GFM1: variants seen among roughly 807,000 people sequenced by gnomAD.
The protein encoded by GFM1 is elongation factor G, mitochondrial.
A neutral mutation model predicts 96.2 loss-of-function variants in GFM1; 62 were observed. The ratio of observed to expected loss-of-function variants is 0.64; its 90% CI spans 0.53 to 0.80. The LOEUF is 0.80. GFM1 is among the 30% of genes least tolerant of loss of function. GFM1 has a pLI of 0.00. For synonymous variants in GFM1, 282 were observed against 312.9 expected, an observed-to-expected ratio of 0.90 and a Z score of 1.04; for missense variants, 852 against 916.6, an observed-to-expected ratio of 0.93 and a Z score of 0.91.
chr3:158,683,007 G>C (rs576940708), intron 14 of GFM1, among the ~76,000 whole-genome samples: 169 of 151,302 alleles, frequency 1.1e-3, no homozygotes, highest in African/African-American at 4.0e-3. Flanking sequence ...CTCCAGCCTG[G>C]GCGACAGTAA....
rs1721863293 is a variant in GFM1, at chr3:158,646,892, A to G, written c.517A>G (p.Ile173Val). The G allele has an allele frequency of 6.2e-7, 1 of 1,613,990 alleles. No homozygotes were observed. The highest frequency in any genetic ancestry group is 1.7e-5 in the Admixed American group (1 of 60,002). Residue 173 changes from isoleucine to valine, a missense_variant, in exon 4 of 18, where the codon ATT (isoleucine) becomes GTT (valine). Transcript: ENST00000486715. Reference protein sequence around the residue: ...KRYNVPFLTFINKLDRMGSNP... With the variant: ...KRYNVPFLTFVNKLDRMGSNP... ...CTACAACGTTCCGTTTCTAACTTTT[A>G]TTAACAAATTGGACCGAATGGGCTC...
intron 7 of GFM1, 136 bp downstream of exon 7, chr3:158,653,603 G>T: frequency 1.4e-6 from 1 of 696,602 alleles, no homozygotes; most frequent in Non-Finnish European, 2.4e-6. Flanking sequence ...TTTTATTTGG[G>T]TAACAATTTT....
At chr3:158,647,092 ACT>A in intron 4 of GFM1, 145 bp downstream of exon 4, 1 of 695,502 alleles carries the variant, frequency 1.4e-6, no homozygotes, top group Admixed American at 2.2e-5. Context: ...TAAGTGGAAC[ACT>A]GATTTTAGTA....
chr3:158,677,287 ACT>A (rs1486295073), intron 13 of GFM1, among the ~76,000 whole-genome samples: 1 of 152,166 alleles, frequency 6.6e-6, no homozygotes, highest in Non-Finnish European at 1.5e-5. Context: ...GAAGGCTCTA[ACT>A]CTGTTCAATT....
chr3:158,688,333 A>G (rs1372973478), intron 15 of GFM1, among the ~76,000 whole-genome samples: 1 of 152,192 alleles, frequency 6.6e-6, no homozygotes, highest in Non-Finnish European at 1.5e-5. Flanking sequence ...AGAGGAAGGC[A>G]TGTGTAAGGG....
At chr3:158,663,356 T>A (rs1410493432) in intron 11 of GFM1, among the ~76,000 whole-genome samples, 2 of 152,220 alleles carry the variant, frequency 1.3e-5, no homozygotes, top group Admixed American at 1.3e-4. Flanking sequence ...CATGTTAATG[T>A]GGTATATTGA....
In GFM1 at chr3:158,653,436, G is replaced by A. The variant is rs769903119; in HGVS notation, c.967G>A (p.Val323Ile). 2 of 1,613,298 alleles carry A rather than the reference G, an allele frequency of 1.2e-6. No homozygotes were observed. The highest frequency in any genetic ancestry group is 1.1e-5 in the South Asian group (1 of 91,046). ...AGAATACCTCCCAAATCCATCTGAA[G>A]TCCAGAACTATGCTATTCTCAATAA... ...VLEYLPNPSEVQNYAILNKED... is the reference protein window; with the variant it reads ...VLEYLPNPSEIQNYAILNKED... The change falls in exon 7 of 18, where the codon GTC (valine) becomes ATC (isoleucine). Residue 323 changes from valine to isoleucine, a missense_variant. By Grantham distance (29) the Val-to-Ile change is conservative. Transcript: ENST00000486715.
chr3:158,651,857 G>T (rs1722320888), intron 5 of GFM1, among the ~76,000 whole-genome samples: 1 of 151,812 alleles, frequency 6.6e-6, no homozygotes, highest in Non-Finnish European at 1.5e-5. Flanking sequence ...GACTGTTTTA[G>T]CTCTTCCGGT....
intron 15 of GFM1, 196 bp downstream of exon 15, chr3:158,684,864 T>G: frequency 1.7e-6 from 1 of 582,504 alleles, no homozygotes; most frequent in Non-Finnish European, 3.0e-6. Flanking sequence ...GCTAAAAGAC[T>G]ACTGTATTCT....
rs1056918334 is a variant in GFM1 at position 158,646,372 on chromosome 3, A to G, written c.367+75A>G. On this transcript the variant is annotated intron_variant, in intron 3 of 17. Transcript: ENST00000486715. ...TGGTTCTTTCTCTTACTGTGACCCA[A>G]TTAGTTTTTGATTGTCAAATACTCA... is the stretch of plus-strand genomic sequence containing the variant. 57 of 1,505,888 alleles carry G rather than the reference A, an allele frequency of 3.8e-5. No individual in the cohort carries two copies. The Middle Eastern group carries it at 1.1e-3, about 29-fold the overall frequency. 93.3% of individuals were successfully genotyped at this position (1,505,888 alleles called of 1,614,324 possible).
intron 13 of GFM1, chr3:158,667,068 T>C: frequency 6.3e-7 from 1 of 1,584,108 alleles, no homozygotes; most frequent in Non-Finnish European, 8.5e-7. Context: ...AAGTCATCAT[T>C]TCTTTGCTAT....
intron 8 of GFM1, among the ~76,000 whole-genome samples, chr3:158,658,483 A>G (rs2108034017): frequency 6.6e-6 from 1 of 152,172 alleles, no homozygotes; most frequent in Non-Finnish European, 1.5e-5. Flanking sequence ...TTACTCACAT[A>G]ATTTTCCACG....
chr3:158,663,373 C>G lies in GFM1; in HGVS notation c.1380+689C>G, dbSNP rs556131625. Among the ~76,000 whole-genome samples the G allele has an allele frequency of 6.0e-4, 91 of 152,306 alleles. No individual in the cohort carries two copies. In the South Asian group the frequency reaches 0.012, roughly 20 times the overall value. ...TGTTAATGTGGTATATTGAAATTCA[C>G]TTATTCATACATTGAGTGAACTTTT... On this transcript the variant is annotated intron_variant, in intron 11 of 17. Coordinates refer to ENST00000486715, the MANE Select transcript of GFM1 (RefSeq NM_024996.7).
chr3:158,662,647 A>T lies in GFM1; in HGVS notation c.1343A>T (p.Asp448Val), dbSNP rs146951325. Residue 448 changes from aspartate to valine, a missense_variant, in exon 11 of 18, where the codon GAT becomes GTT. Asp to Val is a radical substitution (Grantham distance 152). Transcript: ENST00000486715. ...TTTTAGGAGTCAATTCATGTTCCTGATCCTGTCATTTCAATAGCAATGAAG... is the reference window on the plus strand; with the variant it reads ...TTTTAGGAGTCAATTCATGTTCCTGTTCCTGTCATTTCAATAGCAATGAAG... ...GLSMESIHVPDPVISIAMKPS... is the reference protein window; with the variant it reads ...GLSMESIHVPVPVISIAMKPS... 2.5e-6 allele frequency: 4 copies of T among 1,599,354 alleles called. No homozygotes were observed. Among genetic ancestry groups the T allele is most frequent in the Non-Finnish European group, 3.4e-6 (4 of 1,167,308 alleles).
At chr3:158,661,011 A>C (rs771517435) in intron 10 of GFM1, 36 bp downstream of exon 10, 20 of 1,534,376 alleles carry the variant, frequency 1.3e-5, no homozygotes, top group Non-Finnish European at 1.7e-5. Context: ...TTATCACTAG[A>C]ATTTTAAAAG....
rs1298112046 is a variant in GFM1, at chr3:158,693,621, A to T, written c.*2154A>T. On this transcript the variant is annotated 3_prime_UTR_variant, in exon 18 of 18. Coordinates refer to ENST00000486715, the MANE Select transcript of GFM1 (RefSeq NM_024996.7). ...AACCAAAGTCTGTAGCATGGAAAAAAATTAATGAGAATATTCATAGGTGAG... is the reference window on the plus strand; with the variant it reads ...AACCAAAGTCTGTAGCATGGAAAAATATTAATGAGAATATTCATAGGTGAG... 1 of 152,216 alleles carries T rather than the reference A, an allele frequency of 6.6e-6. No individual in the cohort carries two copies. The highest frequency in any genetic ancestry group is 6.5e-5 in the Admixed American group (1 of 15,280). The allele number at this position is 152,216 out of a possible 1,614,324, so 9.4% of individuals were successfully genotyped here.
chr3:158,658,698 CAG>C (rs1722959234), intron 8 of GFM1, among the ~76,000 whole-genome samples: 1 of 152,070 alleles, frequency 6.6e-6, no homozygotes, highest in Non-Finnish European at 1.5e-5. Context: ...TCAAAGGAAA[CAG>C]AAATGTCTTA....
intron 13 of GFM1, among the ~76,000 whole-genome samples, chr3:158,671,673 A>G (rs2108067869): frequency 6.6e-6 from 1 of 152,364 alleles, no homozygotes; most frequent in South Asian, 2.1e-4. Flanking sequence ...ATTCTGTCAG[A>G]TAAATAAGGG....
chr3:158,656,997 A>T (rs1290436341), intron 8 of GFM1: 1 of 152,206 alleles, frequency 6.6e-6, no homozygotes, highest in Non-Finnish European at 1.5e-5. Flanking sequence ...CTTTTTAAGT[A>T]AAATGGTATT....
Sources: allele counts gnomAD v4.1 joint callset (sites outside exome capture counted in the v4.1 genomes callset), GRCh38; gene constraint gnomAD v4.1.1; transcripts MANE v1.5; gene names NCBI Gene and HGNC (gene_info 2026-07-23, HGNC 2026-07-21).